The following CNKSR2 variants were observed in gnomAD, a reference collection of about 807,000 sequenced individuals.
The protein encoded by CNKSR2 is connector enhancer of kinase suppressor of Ras 2.
CNKSR2 carries 14 observed loss-of-function variants against 84.4 expected under a neutral mutation model. The observed-to-expected ratio is 0.17, with a 90% CI of 0.11 to 0.26. CNKSR2 has a LOEUF of 0.26. Among genes scored for constraint, CNKSR2 ranks in the 10% least tolerant of loss-of-function variants. The pLI, the probability that CNKSR2 is intolerant of heterozygous loss-of-function variation, is 1.00. For missense variants in CNKSR2, 485 were observed against 771.2 expected, an observed-to-expected ratio of 0.63 and a Z score of 4.40; for synonymous variants, 275 against 277.9, an observed-to-expected ratio of 0.99 and a Z score of 0.10.
chrX:21,415,585 A>G (rs2090405480), intron 1 of CNKSR2, among the ~76,000 whole-genome samples: 1 of 88,993 alleles, frequency 1.1e-5, no homozygotes, highest in Non-Finnish European at 2.1e-5. Context: ...TTTGCTGAGA[A>G]TGATGGTTTC....
chrX:21,568,698 T>G (rs1367754207), intron 13 of CNKSR2, among the ~76,000 whole-genome samples: 3 of 111,604 alleles, frequency 2.7e-5, no homozygotes, highest in Non-Finnish European at 3.8e-5. Context: ...GCTATTCTGA[T>G]TACTTTACAA....
chrX:21,527,899 T>A (rs2147116205), intron 10 of CNKSR2, among the ~76,000 whole-genome samples: 1 of 111,293 alleles, frequency 9.0e-6, no homozygotes, highest in African/African-American at 3.2e-5. Context: ...TTTCCATTAT[T>A]CTTTAGTACA....
intron 5 of CNKSR2, among the ~76,000 whole-genome samples, chrX:21,471,640 G>A (rs1309677188): frequency 8.9e-6 from 1 of 112,004 alleles, no homozygotes; most frequent in African/African-American, 3.2e-5. Context: ...CGTATGGAGG[G>A]AAAATATTAC....
intron 20 of CNKSR2, chrX:21,641,840 G>T (rs1166389105): frequency 1.1e-6 from 1 of 935,810 alleles, no homozygotes; most frequent in Non-Finnish European, 1.3e-6. Context: ...TTTCTACATT[G>T]GGACTAGCAT....
chrX:21,511,094 T>C (rs1354883461), intron 8 of CNKSR2, among the ~76,000 whole-genome samples: 1 of 111,766 alleles, frequency 8.9e-6, no homozygotes, highest in Non-Finnish European at 1.9e-5. Flanking sequence ...AGTGTTTATA[T>C]GATGCATATG....
intron 20 of CNKSR2, among the ~76,000 whole-genome samples, chrX:21,647,316 A>C (rs1279756665): frequency 8.9e-6 from 1 of 112,016 alleles, no homozygotes; most frequent in Non-Finnish European, 1.9e-5. Context: ...CCAAAAGTTG[A>C]ATGTGGAATT....
chrX:21,590,919 A>C lies in CNKSR2; in HGVS notation c.1658-103A>C. 5.5e-6 allele frequency: 4 copies of C among 723,155 alleles called. No homozygotes were observed. The South Asian group carries it at 1.5e-4, about 27-fold the overall frequency. The allele number at this position is 723,155 out of a possible 1,213,427, so 59.6% of individuals were successfully genotyped here. The stretch of plus-strand genomic sequence containing the variant: ...TTTTCTAGTCTAATACAATATAAAA[A>C]TTTTTAAGATTTTCAAGAACTCATA... On this transcript the variant is annotated intron_variant, in intron 14 of 21. Coordinates refer to ENST00000379510, the MANE Select transcript of CNKSR2 (RefSeq NM_014927.5).
In CNKSR2 at chrX:21,556,256, G is replaced by A. The variant is rs773637664; in HGVS notation, c.1304-5215G>A. 1.2e-4 allele frequency among the ~76,000 whole-genome samples: 13 copies of A among 111,268 alleles called. No individual in the cohort carries two copies. The East Asian group carries it at 3.1e-3, about 27-fold the overall frequency. ...GCAGTTACTGTGTTTAAGGTACTGCGCTAAGTGTGGGAGATACCACAGTAG... is the reference window on the plus strand; with the variant it reads ...GCAGTTACTGTGTTTAAGGTACTGCACTAAGTGTGGGAGATACCACAGTAG... On this transcript the variant is annotated intron_variant, in intron 11 of 21. Transcript: ENST00000379510.
intron 11 of CNKSR2, among the ~76,000 whole-genome samples, chrX:21,536,928 T>G (rs2091933995): frequency 9.1e-6 from 1 of 109,664 alleles, no homozygotes; most frequent in Non-Finnish European, 1.9e-5. Context: ...GCTTTTCTGA[T>G]TTCTTTTTTT....
intron 1 of CNKSR2, among the ~76,000 whole-genome samples, chrX:21,418,367 T>G (rs939528940): frequency 1.8e-5 from 2 of 111,823 alleles, no homozygotes; most frequent in Non-Finnish European, 3.8e-5. Context: ...GTTTTTTTTG[T>G]GTGGTTACTA....
chrX:21,377,774 G>A (rs1375551909), intron 1 of CNKSR2, among the ~76,000 whole-genome samples: 1 of 110,742 alleles, frequency 9.0e-6, no homozygotes, highest in Non-Finnish European at 1.9e-5. Context: ...TTGTAGAAGT[G>A]GTATAGAAAC....
intron 3 of CNKSR2, among the ~76,000 whole-genome samples, chrX:21,438,512 G>A (rs1601790189): frequency 9.0e-6 from 1 of 110,775 alleles, no homozygotes; most frequent in African/African-American, 3.3e-5. Flanking sequence ...TAATGATAGA[G>A]CACTATCTAT....
chrX:21,501,096 A>C lies in CNKSR2; in HGVS notation c.742-424A>C, dbSNP rs754420843. 1.2e-4 allele frequency among the ~76,000 whole-genome samples: 13 copies of C among 111,404 alleles called. No individual in the cohort carries two copies. In the South Asian group the frequency reaches 4.4e-3, roughly 38 times the overall value. On this transcript the variant is annotated intron_variant, in intron 7 of 21. Coordinates refer to ENST00000379510, the MANE Select transcript of CNKSR2 (RefSeq NM_014927.5). Reference sequence around the variant, plus strand: ...TATCAAATGGAAAGGATCACAATACAAAAAGATATAATTTTTTGAAATGCA... The same window carrying C: ...TATCAAATGGAAAGGATCACAATACCAAAAGATATAATTTTTTGAAATGCA...
At chrX:21,604,322 G>C (rs994483000) in intron 18 of CNKSR2, among the ~76,000 whole-genome samples, 14 of 110,650 alleles carry the variant, frequency 1.3e-4, no homozygotes, top group Non-Finnish European at 2.5e-4. Flanking sequence ...GCTGTGGAGT[G>C]GGGGGAGGGG....
intron 15 of CNKSR2, chrX:21,593,273 G>GA (rs1167534880): frequency 8.9e-6 from 1 of 111,890 alleles, no homozygotes; most frequent in Admixed American, 9.6e-5. Context: ...AAGATTGGAA[G>GA]AAAAAATATT....
At chrX:21,585,261 A>G (rs1200934638) in intron 13 of CNKSR2, among the ~76,000 whole-genome samples, 1 of 104,294 alleles carries the variant, frequency 9.6e-6, no homozygotes, top group African/African-American at 3.5e-5. Context: ...ATATAAATAT[A>G]TATATTTATA....
chrX:21,585,586 A>G (rs1249965722), intron 13 of CNKSR2, among the ~76,000 whole-genome samples: 3 of 110,672 alleles, frequency 2.7e-5, no homozygotes, highest in Non-Finnish European at 5.7e-5. Flanking sequence ...TTACTATTTA[A>G]TAAGATATAG....
Position 21,636,302 on chromosome X carries a change from G to T in CNKSR2, c.2693-12529G>T, listed in dbSNP as rs756747464. ...GAAAATCCACATAAATTTAAAACCT[G>T]CACTGTTCATCTCTAAAGTATTTGG... On this transcript the variant is annotated intron_variant, in intron 20 of 21. Coordinates refer to ENST00000379510, the MANE Select transcript of CNKSR2 (RefSeq NM_014927.5). 2.7e-5 allele frequency among the ~76,000 whole-genome samples: 3 copies of T among 109,721 alleles called. No individual in the cohort carries two copies. The East Asian group carries it at 8.5e-4, about 31-fold the overall frequency.
At chrX:21,379,114 A>G (rs1179233362) in intron 1 of CNKSR2, among the ~76,000 whole-genome samples, 1 of 112,717 alleles carries the variant, frequency 8.9e-6, no homozygotes, top group African/African-American at 3.2e-5. Flanking sequence ...AAATGTAGTG[A>G]TTATATAAAG....
Sources: allele counts gnomAD v4.1 joint callset (sites outside exome capture counted in the v4.1 genomes callset), GRCh38; gene constraint gnomAD v4.1.1; transcripts MANE v1.5; gene names NCBI Gene and HGNC (gene_info 2026-07-23, HGNC 2026-07-21).